SOX5: variants seen among roughly 807,000 people sequenced by gnomAD.
SOX5 encodes transcription factor SOX-5.
Under a neutral mutation model 92.0 loss-of-function variants are expected in SOX5, and 9 were observed. That is an observed-to-expected ratio of 0.10 (90% CI 0.06 to 0.17). The LOEUF is 0.17. Among genes scored for constraint, SOX5 ranks in the 10% least tolerant of loss-of-function variants. SOX5 has a pLI of 1.00. For missense variants in SOX5, 642 were observed against 944.5 expected (o/e 0.68, Z 4.20); for synonymous variants, 344 against 336.3 (o/e 1.02, Z -0.25).
intron 1 of SOX5, among the ~76,000 whole-genome samples, chr12:24,537,526 C>T (rs560931190): frequency 6.6e-6 from 1 of 152,298 alleles, no homozygotes; most frequent in Admixed American, 6.5e-5. Flanking sequence ...AACATTTTAA[C>T]ATCAGAAGTC....
chr12:23,883,621 G>C (rs1016449581), intron 2 of SOX5, among the ~76,000 whole-genome samples: 4 of 152,136 alleles, frequency 2.6e-5, no homozygotes, highest in Non-Finnish European at 4.4e-5. Flanking sequence ...AAGGCACAGG[G>C]ATCCTGCAAA....
chr12:24,217,951 G>C (rs1057003655), intron 3 of SOX5, among the ~76,000 whole-genome samples: 1 of 152,156 alleles, frequency 6.6e-6, no homozygotes, highest in African/African-American at 2.4e-5. Context: ...CACTAGGATG[G>C]CTATAAAAAC....
intron 4 of SOX5, among the ~76,000 whole-genome samples, chr12:24,064,992 G>T (rs1940417289): frequency 6.6e-6 from 1 of 152,160 alleles, no homozygotes; most frequent in Admixed American, 6.5e-5. Flanking sequence ...AATGGAAACT[G>T]GAAGGCAATA....
rs567340466 is a variant in SOX5 at position 23,972,575 on chromosome 12, T to C, written c.-1-76551A>G. On this transcript the variant is annotated intron_variant, in intron 4 of 4. Transcript: ENST00000446891. ...GGTTTTTTTATGTTGGCCAGGCTAG[T>C]CTCGAACTCCTAACCTCAGGTGATC... Among the ~76,000 whole-genome samples, 82 of 152,218 alleles carry C rather than the reference T, an allele frequency of 5.4e-4. 2 individuals carry two copies. The East Asian group carries it at 0.015, about 27-fold the overall frequency.
intron 6 of SOX5, among the ~76,000 whole-genome samples, chr12:23,729,979 C>G (rs1033065686): frequency 6.6e-6 from 1 of 152,060 alleles, no homozygotes; most frequent in Non-Finnish European, 1.5e-5. Context: ...TGACAGGAAA[C>G]TTAGGTCTCC....
intron 2 of SOX5, among the ~76,000 whole-genome samples, chr12:24,300,762 C>A (rs967881751): frequency 1.3e-5 from 2 of 152,182 alleles, no homozygotes; most frequent in East Asian, 3.9e-4. Flanking sequence ...ATAGTCTACA[C>A]GTCACCACAA....
intron 8 of SOX5, among the ~76,000 whole-genome samples, chr12:23,639,527 A>G (rs2138685406): frequency 6.6e-6 from 1 of 152,288 alleles, no homozygotes; most frequent in East Asian, 1.9e-4. Flanking sequence ...TACCTATTAC[A>G]ATCACTTTTT....
At chr12:23,670,267 G>C (rs2084546488) in intron 6 of SOX5, among the ~76,000 whole-genome samples, 1 of 152,034 alleles carries the variant, frequency 6.6e-6, no homozygotes, top group Non-Finnish European at 1.5e-5. Context: ...TAGAACAGAG[G>C]GTAGAAATCA....
rs552784654 is a variant in SOX5, at chr12:24,141,204, T to C, written c.-2+72139A>G. Among the ~76,000 whole-genome samples, 4 of 152,304 alleles carry C rather than the reference T, an allele frequency of 2.6e-5. No individual in the cohort carries two copies. In the South Asian group the frequency reaches 8.3e-4, roughly 32 times the overall value. On this transcript the variant is annotated intron_variant, in intron 4 of 4. Transcript: ENST00000446891. ...ATGGAATGTTTTTTTAAACATCCTT[T>C]TACATCTTTCTTCTCCTACATGATT...
At chr12:23,831,957 TACACACACAC>T (rs61053165) in intron 3 of SOX5, among the ~76,000 whole-genome samples, 13 of 142,732 alleles carry the variant, frequency 9.1e-5, no homozygotes, top group African/African-American at 2.7e-4. Flanking sequence ...AAAGGGGAAC[TACACACACAC>T]ACACACACAC....
At chr12:23,776,958 C>A (rs539863425) in intron 3 of SOX5, among the ~76,000 whole-genome samples, 1 of 152,130 alleles carries the variant, frequency 6.6e-6, no homozygotes, top group African/African-American at 2.4e-5. Context: ...AATTTCTATC[C>A]ATTTTCCTTT....
intron 10 of SOX5, among the ~76,000 whole-genome samples, chr12:23,565,107 C>A (rs1946847495): frequency 6.6e-6 from 1 of 151,766 alleles, no homozygotes; most frequent in African/African-American, 2.4e-5. Context: ...GGAACTTATT[C>A]AAAGAACAAA....
intron 11 of SOX5, among the ~76,000 whole-genome samples, chr12:23,560,071 G>A (rs910574290): frequency 1.3e-5 from 2 of 152,044 alleles, no homozygotes; most frequent in South Asian, 2.1e-4. Flanking sequence ...CACCACACCC[G>A]GGTAATTTTT....
intron 4 of SOX5, among the ~76,000 whole-genome samples, chr12:24,132,297 T>C (rs1287049854): frequency 2.0e-5 from 3 of 152,176 alleles, no homozygotes; most frequent in African/African-American, 7.2e-5. Flanking sequence ...GGTAAGTAAA[T>C]CATTCGAACA....
intron 6 of SOX5, among the ~76,000 whole-genome samples, chr12:23,707,942 T>C (rs2091609163): frequency 6.6e-6 from 1 of 152,120 alleles, no homozygotes; most frequent in South Asian, 2.1e-4. Context: ...GATTTTTAAT[T>C]CTTTTCAACT....
intron 4 of SOX5, among the ~76,000 whole-genome samples, chr12:24,058,989 T>C (rs908226668): frequency 2.6e-5 from 4 of 152,164 alleles, no homozygotes; most frequent in African/African-American, 9.7e-5. Flanking sequence ...GAATAGTCTA[T>C]AGCCAAGACT....
chr12:23,953,355 C>T (rs570211581), upstream of SOX5, among the ~76,000 whole-genome samples: 6 of 152,102 alleles, frequency 3.9e-5, no homozygotes, highest in East Asian at 1.9e-4. Flanking sequence ...TCATGACTAG[C>T]GCATCTATTA....
intron 1 of SOX5, chr12:23,919,906 G>A (rs768514741): frequency 1.6e-4 from 25 of 152,176 alleles, no homozygotes; most frequent in Non-Finnish European, 3.1e-4. Context: ...GAGACAGTTT[G>A]AAAAATACAG....
chr12:24,542,602 C>G (rs1164615848), intron 1 of SOX5, among the ~76,000 whole-genome samples: 4 of 152,138 alleles, frequency 2.6e-5, no homozygotes, highest in Non-Finnish European at 4.4e-5. Context: ...CCTGCTCTCA[C>G]CACTTTAATT....
Sources: allele counts gnomAD v4.1 joint callset (sites outside exome capture counted in the v4.1 genomes callset), GRCh38; gene constraint gnomAD v4.1.1; transcripts MANE v1.5; gene names NCBI Gene and HGNC (gene_info 2026-07-23, HGNC 2026-07-21).